GRSF1: variants seen among roughly 807,000 people sequenced by gnomAD.
The protein encoded by GRSF1 is G-rich RNA sequence binding factor 1.
In GRSF1, 50 loss-of-function variants were observed where a neutral mutation model predicts 51.1. The ratio of observed to expected loss-of-function variants is 0.98; its 90% confidence interval spans 0.78 to 1.24. The LOEUF is 1.24. Among genes scored for constraint, GRSF1 ranks in the 50% most tolerant of loss-of-function variants. The pLI is 0.00. For synonymous variants in GRSF1, 293 were observed against 253.3 expected (o/e 1.16, Z -1.49); for missense variants, 700 against 639.7 (o/e 1.09, Z -1.02).
At chr4:70,821,607 C>CAA (rs756802771) in intron 9 of GRSF1, among the ~76,000 whole-genome samples, 8 of 63,588 alleles carry the variant, frequency 1.3e-4, no homozygotes, top group African/African-American at 3.4e-4. Context: ...CTCCGTCTCC[C>CAA]AAAAAAAAAA....
At chr4:70,839,099 G>A (rs910376548) in intron 1 of GRSF1, 9 of 1,284,672 alleles carry the variant, frequency 7.0e-6, no homozygotes, top group Admixed American at 4.7e-5. Context: ...GGCGGGCTCG[G>A]GCCTCGCAAC....
chr4:70,840,619 C>T (rs1355194867), upstream of GRSF1, among the ~76,000 whole-genome samples: 1 of 152,008 alleles, frequency 6.6e-6, no homozygotes, highest in African/African-American at 2.4e-5. Flanking sequence ...AAAAATTAGC[C>T]GGGTGTGGTG....
chr4:70,830,347 A>G (rs1442477044), intron 5 of GRSF1, among the ~76,000 whole-genome samples: 1 of 151,758 alleles, frequency 6.6e-6, no homozygotes, highest in Non-Finnish European at 1.5e-5. Context: ...TGGGAGGATG[A>G]GGCGAGACGA....
At chr4:70,828,115 A>G in intron 5 of GRSF1, 79 bp from the exon 6 acceptor site, 1 of 998,500 alleles carries the variant, frequency 1.0e-6, no homozygotes, top group Non-Finnish European at 1.5e-6. Flanking sequence ...AAACATGTAT[A>G]CATTATATTT....
rs1355626509 is a variant in GRSF1, at chr4:70,820,578, A to G, written c.*309T>C. On this transcript the variant is annotated 3_prime_UTR_variant, in exon 10 of 10. Coordinates refer to ENST00000254799, the MANE Select transcript of GRSF1 (RefSeq NM_002092.4). ...AAAATATGTGGTCTTTACAATGAGT[A>G]ACATATCATCTATGAAAACAAACCA... The G allele has an allele frequency of 6.6e-6, 1 of 152,386 alleles. No individual in the cohort carries two copies. The highest frequency in any genetic ancestry group is 2.4e-5 in the African/African-American group (1 of 41,470). 9.4% of individuals were successfully genotyped at this position (152,386 alleles called of 1,614,324 possible). A position where few individuals can be genotyped will look rare whatever the true frequency, so the allele number is the denominator to read the frequency against.
In GRSF1 at chr4:70,820,036, C is replaced by A. The variant is rs1733442570; in HGVS notation, c.*851G>T. ...AGACTGATTTTTTTCCTATCTAGAG[C>A]TGGTTTAAATTCAAGTGAAGCCATT... On this transcript the variant is annotated 3_prime_UTR_variant, in exon 10 of 10. Coordinates refer to ENST00000254799, the MANE Select transcript of GRSF1 (RefSeq NM_002092.4). The A allele has an allele frequency of 6.6e-6, 1 of 152,352 alleles. No homozygotes were observed. The highest frequency in any genetic ancestry group is 2.4e-5 in the African/African-American group (1 of 41,432). 9.4% of individuals were successfully genotyped at this position (152,352 alleles called of 1,614,324 possible). A position where few individuals can be genotyped will look rare whatever the true frequency, so the allele number is the denominator to read the frequency against.
chr4:70,832,247 G>C (rs903156402), intron 4 of GRSF1, 60 bp downstream of exon 4: 1 of 1,454,818 alleles, frequency 6.9e-7, no homozygotes, highest in African/African-American at 1.4e-5. Context: ...CTAAGATATA[G>C]AAGGAGATAC....
intron 9 of GRSF1, among the ~76,000 whole-genome samples, chr4:70,823,213 A>T (rs1026283161): frequency 6.6e-6 from 1 of 152,060 alleles, no homozygotes. Context: ...CATGACCAAC[A>T]TGGAGAAACC....
upstream of GRSF1, among the ~76,000 whole-genome samples, chr4:70,842,867 T>A (rs554120618): frequency 1.8e-4 from 28 of 152,148 alleles, no homozygotes; most frequent in Non-Finnish European, 2.9e-5. Context: ...ACATCCCGTA[T>A]CTACTAAAAA....
intron 2 of GRSF1, among the ~76,000 whole-genome samples, chr4:70,835,105 T>A (rs1371313395): frequency 6.6e-6 from 1 of 152,060 alleles, no homozygotes; most frequent in African/African-American, 2.4e-5. Context: ...CCACCCACAT[T>A]GCTGCAAAGC....
intron 9 of GRSF1, among the ~76,000 whole-genome samples, chr4:70,821,415 C>A (rs1193328281): frequency 6.1e-5 from 8 of 131,238 alleles, no homozygotes; most frequent in Non-Finnish European, 1.1e-4. Context: ...ACGAGAGAAA[C>A]TCCGTCTCAA....
At chr4:70,837,438 C>A (rs1309507654) in intron 1 of GRSF1, among the ~76,000 whole-genome samples, 2 of 151,592 alleles carry the variant, frequency 1.3e-5, no homozygotes, top group Non-Finnish European at 2.9e-5. Context: ...GTGGCGTGTG[C>A]CCGTAATCCC....
At chr4:70,839,445 C>G in intron 1 of GRSF1, 26 bp downstream of exon 1, 1 of 1,472,182 alleles carries the variant, frequency 6.8e-7, no homozygotes, top group South Asian at 1.3e-5. Context: ...GGATCTCGCG[C>G]CAGGTCCCTC....
At chr4:70,840,188 G>C (rs1734416426), upstream of GRSF1, among the ~76,000 whole-genome samples, 1 of 141,362 alleles carries the variant, frequency 7.1e-6, no homozygotes, top group Non-Finnish European at 1.5e-5. Context: ...GGTTTGGGCG[G>C]GGCTGCCCAT....
At chr4:70,832,893 A>T (rs1734040356) in intron 3 of GRSF1, among the ~76,000 whole-genome samples, 2 of 152,230 alleles carry the variant, frequency 1.3e-5, no homozygotes, top group South Asian at 4.1e-4. Flanking sequence ...GGTTGCAGTG[A>T]GCTGAAATCG....
intron 3 of GRSF1, 108 bp from the exon 4 acceptor site, chr4:70,832,558 T>C: frequency 1.6e-6 from 1 of 642,532 alleles, no homozygotes; most frequent in South Asian, 2.0e-5. Flanking sequence ...TCAATAACTA[T>C]TTTAATCTTT....
chr4:70,819,100 A>T lies in GRSF1; in HGVS notation c.*1787T>A, dbSNP rs1239807050. Reference sequence around the variant, plus strand: ...AGCCTGTAGCGTGCCAAGAAGATATATCCTTTCAACCTTACCCATCCATCA... The same window carrying T: ...AGCCTGTAGCGTGCCAAGAAGATATTTCCTTTCAACCTTACCCATCCATCA... On this transcript the variant is annotated 3_prime_UTR_variant, in exon 10 of 10. Transcript: ENST00000254799. The T allele has an allele frequency of 6.6e-6, 1 of 152,170 alleles. No homozygotes were observed. Among genetic ancestry groups the T allele is most frequent in the African/African-American group, 2.4e-5 (1 of 41,450 alleles). 9.4% of individuals were successfully genotyped at this position (152,170 alleles called of 1,614,324 possible).
At chr4:70,823,105 T>A (rs529132465) in intron 9 of GRSF1, among the ~76,000 whole-genome samples, 9 of 147,794 alleles carry the variant, frequency 6.1e-5, no homozygotes, top group African/African-American at 2.3e-4. Context: ...TCAAAAAAAA[T>A]AAAAAGTAGG....
At position 70,820,303 on chromosome 4, in the gene GRSF1, G is replaced by C. The variant is rs1451578446; in HGVS notation, c.*584C>G. 6.6e-6 allele frequency: 1 copy of C among 152,560 alleles called. No homozygotes were observed. Among genetic ancestry groups the C allele is most frequent in the Non-Finnish European group, 1.5e-5 (1 of 68,028 alleles). 9.5% of individuals were successfully genotyped at this position (152,560 alleles called of 1,614,324 possible). A position where few individuals can be genotyped will look rare whatever the true frequency, so the allele number is the denominator to read the frequency against. On this transcript the variant is annotated 3_prime_UTR_variant, in exon 10 of 10. Coordinates refer to ENST00000254799, the MANE Select transcript of GRSF1 (RefSeq NM_002092.4). ...ACCGCCAAATTGTCATTTACACTAAGCTGTGGTATTTTTTGTTTTGATTTT... is the reference window on the plus strand; with the variant it reads ...ACCGCCAAATTGTCATTTACACTAACCTGTGGTATTTTTTGTTTTGATTTT...
Sources: allele counts gnomAD v4.1 joint callset (sites outside exome capture counted in the v4.1 genomes callset), GRCh38; gene constraint gnomAD v4.1.1; transcripts MANE v1.5; gene names NCBI Gene and HGNC (gene_info 2026-07-23, HGNC 2026-07-21).